The following DNAJC1 variants were observed in gnomAD, a reference collection of about 807,000 sequenced individuals.
The protein encoded by DNAJC1 is dnaJ homolog subfamily C member 1.
DNAJC1 carries 58 observed loss-of-function variants against 76.6 expected under a neutral mutation model. The ratio of observed to expected loss-of-function variants is 0.76; its 90% CI spans 0.61 to 0.94. DNAJC1 has a LOEUF of 0.94. Ranked by LOEUF, DNAJC1 falls within the 40% of genes least tolerant of loss-of-function variation. The probability of loss-of-function intolerance (pLI) is 0.00; values close to 1 mark genes in which losing one functional copy is unlikely to be tolerated. For synonymous variants in DNAJC1, 258 were observed against 267.9 expected (o/e 0.96, Z 0.36); for missense variants, 689 against 677.3 (o/e 1.02, Z -0.19).
intron 1 of DNAJC1, among the ~76,000 whole-genome samples, chr10:21,943,328 A>T (rs1290371390): frequency 6.6e-6 from 1 of 152,230 alleles, no homozygotes; most frequent in Admixed American, 6.5e-5. Flanking sequence ...AGGCAAGTAA[A>T]GTAGATAATT....
At chr10:21,920,213 C>T (rs931185745) in intron 4 of DNAJC1, among the ~76,000 whole-genome samples, 1 of 151,944 alleles carries the variant, frequency 6.6e-6, no homozygotes, top group East Asian at 1.9e-4. Context: ...TCTCATTCAT[C>T]CAACTTTAAT....
intron 1 of DNAJC1, among the ~76,000 whole-genome samples, chr10:22,001,664 A>T (rs1324784890): frequency 6.6e-6 from 1 of 152,246 alleles, no homozygotes; most frequent in Non-Finnish European, 1.5e-5. Context: ...AGATTACATG[A>T]TCTAAATTTT....
chr10:21,973,679 T>A (rs1370162427), intron 1 of DNAJC1, among the ~76,000 whole-genome samples: 1 of 151,804 alleles, frequency 6.6e-6, no homozygotes, highest in Non-Finnish European at 1.5e-5. Flanking sequence ...TGTGCATAGT[T>A]AACAAAATTA....
chr10:21,973,830 C>T (rs1177517658), intron 1 of DNAJC1, among the ~76,000 whole-genome samples: 3 of 151,700 alleles, frequency 2.0e-5, no homozygotes, highest in Admixed American at 6.6e-5. Context: ...TGGCCAGGTG[C>T]GGTGGCTCAC....
At chr10:21,823,588 T>C (rs1476531438) in intron 8 of DNAJC1, among the ~76,000 whole-genome samples, 1 of 152,242 alleles carries the variant, frequency 6.6e-6, no homozygotes, top group Admixed American at 6.5e-5. Context: ...GTATTCATTC[T>C]ATGTCTTAAA....
chr10:21,898,543 A>G (rs1033937071), intron 7 of DNAJC1, among the ~76,000 whole-genome samples: 4 of 151,052 alleles, frequency 2.6e-5, no homozygotes, highest in African/African-American at 9.7e-5. Flanking sequence ...TGTATTTACT[A>G]TACTATACTT....
At chr10:21,840,051 A>T (rs1303478809) in intron 8 of DNAJC1, among the ~76,000 whole-genome samples, 3 of 152,186 alleles carry the variant, frequency 2.0e-5, no homozygotes, top group Admixed American at 6.5e-5. Flanking sequence ...AAATTCAACA[A>T]CGCTTCATGC....
At chr10:21,981,863 T>G (rs1262244569) in intron 1 of DNAJC1, among the ~76,000 whole-genome samples, 2 of 152,134 alleles carry the variant, frequency 1.3e-5, no homozygotes, top group Non-Finnish European at 2.9e-5. Flanking sequence ...ATCGTCCAAT[T>G]TTAGCAAGAA....
chr10:21,885,992 G>C (rs1836361552), intron 7 of DNAJC1, among the ~76,000 whole-genome samples: 1 of 151,952 alleles, frequency 6.6e-6, no homozygotes, highest in African/African-American at 2.4e-5. Flanking sequence ...AATCAGAGCT[G>C]AAATGAAGGA....
At chr10:21,892,574 C>A (rs1836477728) in intron 7 of DNAJC1, among the ~76,000 whole-genome samples, 2 of 151,824 alleles carry the variant, frequency 1.3e-5, no homozygotes, top group Admixed American at 6.6e-5. Context: ...TACACACACA[C>A]AAACATATAA....
In DNAJC1 at chr10:22,003,278, G is replaced by T; in HGVS notation, c.157C>A (p.Leu53Met). Residue 53 changes from leucine (L) to methionine (M), a missense_variant, in exon 1 of 12, where the codon CTG becomes ATG. By Grantham distance (15) the Leu-to-Met change is conservative (BLOSUM62 2). Transcript: ENST00000376980. ...APARGWESGD[L>M]ELFDLVEEVQ... ...TCCTCCACTAAGTCAAACAACTCCA[G>T]GTCTCCGCTCTCCCAGCCGCGCGCC... is the stretch of plus-strand genomic sequence containing the variant. 2.6e-6 allele frequency: 4 copies of T among 1,549,676 alleles called. No individual in the cohort carries two copies. The highest frequency in any genetic ancestry group is 2.6e-6 in the Non-Finnish European group (3 of 1,150,456).
At chr10:21,854,429 G>C (rs1685050631) in intron 8 of DNAJC1, among the ~76,000 whole-genome samples, 2 of 149,922 alleles carry the variant, frequency 1.3e-5, no homozygotes, top group Admixed American at 6.6e-5. Context: ...CTTTTGGAAA[G>C]CATTTAATAC....
At chr10:21,802,815 C>T (rs1008176165) in intron 9 of DNAJC1, among the ~76,000 whole-genome samples, 6 of 152,110 alleles carry the variant, frequency 3.9e-5, no homozygotes, top group African/African-American at 1.4e-4. Flanking sequence ...AGGAAACCTG[C>T]AGTTAATCAT....
At chr10:21,921,130 A>G (rs1837036547) in intron 3 of DNAJC1, among the ~76,000 whole-genome samples, 167 bp from the exon 4 acceptor site, 1 of 152,038 alleles carries the variant, frequency 6.6e-6, no homozygotes, top group African/African-American at 2.4e-5. Context: ...AGCACTGTAG[A>G]TAGCTCTAGT....
intron 1 of DNAJC1, among the ~76,000 whole-genome samples, chr10:22,000,849 G>C (rs1201039201): frequency 2.0e-5 from 3 of 152,262 alleles, no homozygotes; most frequent in Admixed American, 2.0e-4. Flanking sequence ...AGAATCTGCC[G>C]GTGCCTTAAT....
intron 8 of DNAJC1, 32 bp downstream of exon 8, chr10:21,882,250 T>C (rs768897551): frequency 6.3e-7 from 1 of 1,576,164 alleles, no homozygotes; most frequent in Non-Finnish European, 8.6e-7. Context: ...GTACATGTTT[T>C]ACTCAAAACA....
intron 9 of DNAJC1, among the ~76,000 whole-genome samples, chr10:21,768,095 C>T (rs890651575): frequency 6.6e-6 from 1 of 151,984 alleles, no homozygotes; most frequent in African/African-American, 2.4e-5. Context: ...GTTCAGACTT[C>T]TATTGTATAT....
chr10:21,763,493 G>A (rs576354944), intron 10 of DNAJC1, among the ~76,000 whole-genome samples: 67 of 151,492 alleles, frequency 4.4e-4, no homozygotes, highest in African/African-American at 1.5e-3. Context: ...AAGGGGGCCA[G>A]GAACCCAGAC....
chr10:21,854,957 G>A (rs1835811068), intron 8 of DNAJC1, among the ~76,000 whole-genome samples: 1 of 152,036 alleles, frequency 6.6e-6, no homozygotes, highest in African/African-American at 2.4e-5. Context: ...TCGATATTAC[G>A]AAACTAAAGA....
Sources: gnomAD v4.1 joint callset for allele counts (sites outside exome capture counted in the v4.1 genomes callset) on GRCh38, gnomAD v4.1.1 for gene constraint, MANE v1.5 for transcripts, NCBI Gene and HGNC (gene_info 2026-07-23, HGNC 2026-07-21) for gene names.